TAMALIN: variants seen among roughly 807,000 people sequenced by gnomAD.
TAMALIN encodes the protein trafficking regulator and scaffold protein tamalin.
A neutral mutation model predicts 38.5 loss-of-function variants in TAMALIN; 9 were observed. That is an observed-to-expected ratio of 0.23 (90% CI 0.14 to 0.41). The LOEUF (loss-of-function observed/expected upper bound fraction) is 0.41. Among genes scored for constraint, TAMALIN ranks in the 10% least tolerant of loss-of-function variants. The probability of loss-of-function intolerance (pLI) is 1.00; values close to 1 mark genes in which losing one functional copy is unlikely to be tolerated. For missense variants in TAMALIN, 548 were observed against 554.1 expected (o/e 0.99, Z 0.11); for synonymous variants, 306 against 256.5 (o/e 1.19, Z -1.85).
intron 4 of TAMALIN, among the ~76,000 whole-genome samples, chr12:52,012,579 ATC>A (rs921851869): frequency 1.3e-5 from 2 of 152,218 alleles, no homozygotes; most frequent in African/African-American, 4.8e-5. Context: ...AGGTCCTACC[ATC>A]TCTCAGCACT....
At chr12:52,013,655 G>A (rs768769984) in intron 4 of TAMALIN, 32 bp from the exon 5 acceptor site, 14 of 1,600,644 alleles carry the variant, frequency 8.7e-6, no homozygotes, top group African/African-American at 5.4e-5. Flanking sequence ...ATGCCCCATG[G>A]AGCAAATCTA....
At chr12:52,008,180 T>G in intron 1 of TAMALIN, 1 of 985,428 alleles carries the variant, frequency 1.0e-6, no homozygotes, top group Middle Eastern at 5.2e-4. Flanking sequence ...TCCCCACCCC[T>G]GAGGCCAATC....
rs1231097936 is a variant in TAMALIN at position 52,011,221 on chromosome 12, C to T, written c.454+80C>T. ...CAAGCAAAGGGGGTGAGCAATCTCT[C>T]CTGAAATCAATTCCTCTTCCTTTTC... On this transcript the variant is annotated intron_variant, in intron 4 of 7. Transcript: ENST00000293662. This position sits in a 1 kb window ranked among gnomAD's most constrained non-coding sequence, Gnocchi z 5.3. 2 of 1,595,710 alleles carry T rather than the reference C, an allele frequency of 1.3e-6. No homozygotes were observed. Among genetic ancestry groups the T allele is most frequent in the East Asian group, 2.2e-5 (1 of 44,676 alleles).
rs749641693 is a variant in TAMALIN at position 52,007,182 on chromosome 12, C to G, written c.163C>G (p.Leu55Val). ...AATPGPPADE[L>V]YAALEDYHPA... is the part of the protein sequence containing the mutation. ...CACCCCTGGGCCCCCAGCGGACGAG[C>G]TGTACGCGGCGCTGGAGGACTATCA... The change falls in exon 1 of 8, where the codon CTG (leucine) becomes GTG (valine). Residue 55 changes from leucine (L) to valine (V), a missense_variant. Around this residue, in one of 3 missense-constraint regions of TAMALIN, gnomAD observed 128 missense variants for 117.9 expected, o/e 1.09. Coordinates refer to ENST00000293662, the MANE Select transcript of TAMALIN (RefSeq NM_181711.4). The surrounding 1 kb of genome is among the most constrained non-coding windows in gnomAD (Gnocchi z 6.7). 6.6e-7 allele frequency: 1 copy of G among 1,513,558 alleles called. No individual in the cohort carries two copies. 93.8% of individuals were successfully genotyped at this position (1,513,558 alleles called of 1,614,324 possible).
chr12:52,011,053 C>A lies in TAMALIN; in HGVS notation c.366C>A (p.His122Gln). The change falls in exon 4 of 8, where the codon CAC becomes CAA. Residue 122 changes from histidine to glutamine, a missense_variant. His to Gln is a conservative substitution (Grantham distance 24). Coordinates refer to ENST00000293662, the MANE Select transcript of TAMALIN (RefSeq NM_181711.4). The surrounding 1 kb of genome is among the most constrained non-coding windows in gnomAD (Gnocchi z 5.3). ...FGFEIQTYGL[H>Q]HREEQRVEMV... is the part of the protein sequence containing the mutation. ...GTCCATTACAGACTTATGGCCTTCA[C>A]CACCGGGAGGAGCAGCGTGTGGAAA... 1 of 1,613,474 alleles carries A rather than the reference C, an allele frequency of 6.2e-7. No individual in the cohort carries two copies. The highest frequency in any genetic ancestry group is 8.5e-7 in the Non-Finnish European group (1 of 1,179,996).
chr12:52,013,075 CTTTTTTTTTTT>C (rs3035021), intron 4 of TAMALIN, among the ~76,000 whole-genome samples: 3 of 124,448 alleles, frequency 2.4e-5, no homozygotes, highest in South Asian at 2.6e-4. Context: ...GACAGAACTT[CTTTTTTTTTTT>C]TTTTTTTTTG....
Position 52,014,736 on chromosome 12 carries a change from C to G in TAMALIN, c.725C>G (p.Ser242Trp). ...CCCAGCATCTACGACACGCTGGAGT[C>G]GGTGCGCTCCTGCCTCTACGGCGCG... is the stretch of plus-strand genomic sequence containing the variant. ...KDPSIYDTLESVRSCLYGAGL... is the reference protein window; with the variant it reads ...KDPSIYDTLEWVRSCLYGAGL... Residue 242 changes from serine to tryptophan, a missense_variant, in exon 8 of 8, where the codon TCG (serine) becomes TGG (tryptophan). By Grantham distance (177) the Ser-to-Trp change is radical. Around this residue, in one of 3 missense-constraint regions of TAMALIN, gnomAD observed 415 missense variants for 417.0 expected, o/e 1.00. Transcript: ENST00000293662. 6.6e-7 allele frequency: 1 copy of G among 1,518,306 alleles called. No individual in the cohort carries two copies. Among genetic ancestry groups the G allele is most frequent in the Non-Finnish European group, 8.7e-7 (1 of 1,146,182 alleles). The allele number at this position is 1,518,306 out of a possible 1,614,324, so 94.1% of individuals were successfully genotyped here.
rs1937769123 is a variant in TAMALIN, at chr12:52,015,039, G to C, written c.1028G>C (p.Gly343Ala). Residue 343 changes from glycine to alanine, a missense_variant, in exon 8 of 8, where the codon GGA (glycine) becomes GCA (alanine). This residue lies in a region of TAMALIN where 415 missense variants were observed against 417.0 expected (regional missense o/e 1.00). Transcript: ENST00000293662. ...SVRCAGPGGGGGGGAPGALWT... is the reference protein window; with the variant it reads ...SVRCAGPGGGAGGGAPGALWT... ...CGGTGCGCGGGCCCTGGCGGGGGCG[G>C]AGGCGGGGGCGCGCCGGGCGCGCTC... 2 of 1,340,234 alleles carry C rather than the reference G, an allele frequency of 1.5e-6. No homozygotes were observed. The highest frequency in any genetic ancestry group is 3.3e-5 in the South Asian group (2 of 60,342). 83.0% of individuals were successfully genotyped at this position (1,340,234 alleles called of 1,614,324 possible). A position where few individuals can be genotyped will look rare whatever the true frequency, so the allele number is the denominator to read the frequency against.
In TAMALIN at chr12:52,007,278, C is replaced by G; in HGVS notation, c.246+13C>G. 7.1e-7 allele frequency: 1 copy of G among 1,399,942 alleles called. No homozygotes were observed. The highest frequency in any genetic ancestry group is 9.3e-7 in the Non-Finnish European group (1 of 1,080,270). 86.7% of individuals were successfully genotyped at this position (1,399,942 alleles called of 1,614,324 possible). A position where few individuals can be genotyped will look rare whatever the true frequency, so the allele number is the denominator to read the frequency against. ...GCCCCGCCGAAAGGTGCGTCCCCCG[C>G]CCGCCTTCAGGATCTGCTCAGCCCC... is the stretch of plus-strand genomic sequence containing the variant. On this transcript the variant is annotated intron_variant, in intron 1 of 7. Coordinates refer to ENST00000293662, the MANE Select transcript of TAMALIN (RefSeq NM_181711.4). The surrounding 1 kb of genome is among the most constrained non-coding windows in gnomAD (Gnocchi z 6.7).
intron 4 of TAMALIN, among the ~76,000 whole-genome samples, chr12:52,012,947 A>C (rs1369403060): frequency 6.6e-6 from 1 of 152,184 alleles, no homozygotes; most frequent in Non-Finnish European, 1.5e-5. Flanking sequence ...GTCGGTTCCC[A>C]GCTGGGTGCT....
rs1937640072 is a variant in TAMALIN, at chr12:52,011,313, T to C, written c.454+172T>C. 1 of 1,148,540 alleles carries C rather than the reference T, an allele frequency of 8.7e-7. No individual in the cohort carries two copies. The highest frequency in any genetic ancestry group is 2.6e-5 in the East Asian group (1 of 38,856). 71.1% of individuals were successfully genotyped at this position (1,148,540 alleles called of 1,614,324 possible). On this transcript the variant is annotated intron_variant, in intron 4 of 7. Transcript: ENST00000293662. This position sits in a 1 kb window ranked among gnomAD's most constrained non-coding sequence, Gnocchi z 5.3. The stretch of plus-strand genomic sequence containing the variant: ...GCTTTGGATCTAGGCAAATTTGCCA[T>C]GTACTGTGTGATCTTGCACAGCCCC...
At chr12:52,010,830 G>A in intron 2 of TAMALIN, 51 bp from the exon 3 acceptor site, 1 of 1,601,408 alleles carries the variant, frequency 6.2e-7, no homozygotes, top group Non-Finnish European at 8.6e-7. Context: ...CAAGCTATGG[G>A]ACTTCTACAC....
Position 52,007,730 on chromosome 12 carries a change from C to T in TAMALIN, c.246+465C>T, listed in dbSNP as rs1295703810. 2 of 985,310 alleles carry T rather than the reference C, an allele frequency of 2.0e-6. No individual in the cohort carries two copies. The highest frequency in any genetic ancestry group is 2.4e-6 in the Non-Finnish European group (2 of 829,930). 61.0% of individuals were successfully genotyped at this position (985,310 alleles called of 1,614,324 possible). ...CACTCTGAGGAAGTGCGTGGGGAGCCGCTGACTCCGGATAGCACACCCTTC... is the reference window on the plus strand; with the variant it reads ...CACTCTGAGGAAGTGCGTGGGGAGCTGCTGACTCCGGATAGCACACCCTTC... On this transcript the variant is annotated intron_variant, in intron 1 of 7. Coordinates refer to ENST00000293662, the MANE Select transcript of TAMALIN (RefSeq NM_181711.4). The surrounding 1 kb of genome is among the most constrained non-coding windows in gnomAD (Gnocchi z 6.7).
At chr12:52,009,333 G>A in intron 2 of TAMALIN, 94 bp downstream of exon 2, 1 of 1,221,924 alleles carries the variant, frequency 8.2e-7, no homozygotes, top group Non-Finnish European at 1.2e-6. Context: ...AGCGAGGGTA[G>A]TCATTCTCCT....
In TAMALIN at chr12:52,009,239, G is replaced by T. The variant is rs1592271369; in HGVS notation, c.296G>T (p.Arg99Leu). 1 of 1,613,740 alleles carries T rather than the reference G, an allele frequency of 6.2e-7. No homozygotes were observed. The highest frequency in any genetic ancestry group is 1.3e-5 in the African/African-American group (1 of 74,918). ...CTCAGCCAGAGTCCTGAACAGCAGCGGTGAGTCACCAACACCCAGCCCCTG... is the reference window on the plus strand; with the variant it reads ...CTCAGCCAGAGTCCTGAACAGCAGCTGTGAGTCACCAACACCCAGCCCCTG... ...KNLSQSPEQQ[R>L]KVLTLEKEDN... is the part of the protein sequence containing the mutation. Residue 99 changes from arginine to leucine, a missense_variant and splice_region_variant, in exon 2 of 8, where the codon CGG (arginine) becomes CTG (leucine). Arg to Leu is a moderately radical substitution (Grantham distance 102). Coordinates refer to ENST00000293662, the MANE Select transcript of TAMALIN (RefSeq NM_181711.4).
chr12:52,011,268 G>A lies in TAMALIN; in HGVS notation c.454+127G>A, dbSNP rs1191766228. ...TTTCCTTCTTTGAGAAGGCCAGAAA[G>A]AAGAATGGATAGAATCTGGGCTTTG... is the stretch of plus-strand genomic sequence containing the variant. On this transcript the variant is annotated intron_variant, in intron 4 of 7. Coordinates refer to ENST00000293662, the MANE Select transcript of TAMALIN (RefSeq NM_181711.4). The surrounding 1 kb of genome is among the most constrained non-coding windows in gnomAD (Gnocchi z 5.3). The A allele has an allele frequency of 6.6e-7, 1 of 1,515,024 alleles. No individual in the cohort carries two copies. The highest frequency in any genetic ancestry group is 8.9e-7 in the Non-Finnish European group (1 of 1,122,756). 93.8% of individuals were successfully genotyped at this position (1,515,024 alleles called of 1,614,324 possible).
At position 52,009,124 on chromosome 12, in the gene TAMALIN, A is replaced by G. The variant is rs1358354785; in HGVS notation, c.247-66A>G. The G allele has an allele frequency of 4.7e-6, 7 of 1,496,600 alleles. No homozygotes were observed. In the East Asian group the frequency reaches 1.6e-4, roughly 34 times the overall value. The allele number at this position is 1,496,600 out of a possible 1,614,324, so 92.7% of individuals were successfully genotyped here. A position where few individuals can be genotyped will look rare whatever the true frequency, so the allele number is the denominator to read the frequency against. ...GAAGTGGGTCGCTGTGTCCAGGGTA[A>G]CCTCTCAGTGTCTGCTCAAGGACAG... On this transcript the variant is annotated intron_variant, in intron 1 of 7. Transcript: ENST00000293662.
rs1937784107 is a variant in TAMALIN at position 52,015,324 on chromosome 12, G to A, written c.*125G>A. ...GCGGGAGAGGGTCCTTCCTAGCCTCGGCCCGCCGGGTCGGTTCCTGGCTGG... is the reference window on the plus strand; with the variant it reads ...GCGGGAGAGGGTCCTTCCTAGCCTCAGCCCGCCGGGTCGGTTCCTGGCTGG... On this transcript the variant is annotated 3_prime_UTR_variant, in exon 8 of 8. Transcript: ENST00000293662. 1.7e-6 allele frequency: 2 copies of A among 1,186,198 alleles called. No individual in the cohort carries two copies. Among genetic ancestry groups the A allele is most frequent in the African/African-American group, 1.6e-5 (1 of 61,348 alleles). 73.5% of individuals were successfully genotyped at this position (1,186,198 alleles called of 1,614,324 possible). A position where few individuals can be genotyped will look rare whatever the true frequency, so the allele number is the denominator to read the frequency against.
chr12:52,014,675 C>G lies in TAMALIN; in HGVS notation c.683-19C>G. The G allele has an allele frequency of 6.8e-7, 1 of 1,464,812 alleles. No individual in the cohort carries two copies. Among genetic ancestry groups the G allele is most frequent in the Non-Finnish European group, 8.9e-7 (1 of 1,120,000 alleles). The allele number at this position is 1,464,812 out of a possible 1,614,324, so 90.7% of individuals were successfully genotyped here. A position where few individuals can be genotyped will look rare whatever the true frequency, so the allele number is the denominator to read the frequency against. On this transcript the variant is annotated intron_variant, in intron 7 of 7. Transcript: ENST00000293662. ...GGTCCAGGCCTGACCCGCCCCCTACCTCTCCCGTCTCTGCGCAGGCCTGGT... is the reference window on the plus strand; with the variant it reads ...GGTCCAGGCCTGACCCGCCCCCTACGTCTCCCGTCTCTGCGCAGGCCTGGT...
Sources: gnomAD v4.1 joint callset for allele counts (sites outside exome capture counted in the v4.1 genomes callset) on GRCh38, gnomAD v4.1.1 for gene constraint, gnomAD v4.1.1 regional missense constraint, Gnocchi (gnomAD v3.1) non-coding constraint, MANE v1.5 for transcripts, NCBI Gene and HGNC (gene_info 2026-07-23, HGNC 2026-07-21) for gene names.